ZMIZ1: variants seen among roughly 807,000 people sequenced by gnomAD.
ZMIZ1 encodes zinc finger MIZ-type containing 1.
A neutral mutation model predicts 113.9 loss-of-function variants in ZMIZ1; 17 were observed. The observed-to-expected ratio is 0.15, with a 90% CI of 0.10 to 0.22. The LOEUF is 0.22. ZMIZ1 is among the 10% of genes least tolerant of loss of function. The probability of loss-of-function intolerance (pLI) is 1.00; values close to 1 mark genes in which losing one functional copy is unlikely to be tolerated. For missense variants in ZMIZ1, 1,059 were observed against 1,477.8 expected, an observed-to-expected ratio of 0.72 and a Z score of 4.65; for synonymous variants, 607 against 603.1, an observed-to-expected ratio of 1.01 and a Z score of -0.09.
At chr10:79,074,100 G>A (rs1842390685) in intron 1 of ZMIZ1, among the ~76,000 whole-genome samples, 1 of 152,314 alleles carries the variant, frequency 6.6e-6, no homozygotes, top group Middle Eastern at 3.4e-3. Flanking sequence ...TTCCATCTTT[G>A]TTTATCCCCA....
intron 4 of ZMIZ1, among the ~76,000 whole-genome samples, chr10:79,177,965 C>G (rs1266806553): frequency 1.3e-5 from 2 of 152,192 alleles, no homozygotes; most frequent in African/African-American, 4.8e-5. Flanking sequence ...GCTTCAGAGT[C>G]ATTCAGTGCT....
intron 7 of ZMIZ1, among the ~76,000 whole-genome samples, chr10:79,252,404 C>T (rs1045385718): frequency 6.6e-6 from 1 of 152,132 alleles, no homozygotes; most frequent in Non-Finnish European, 1.5e-5. Flanking sequence ...GTGTGGCTTT[C>T]CTGGTCATCC....
rs952662266 is a variant in ZMIZ1 at position 79,314,345 on chromosome 10, G to A, written c.*1596G>A. The A allele has an allele frequency of 6.2e-5, 27 of 434,782 alleles. No individual in the cohort carries two copies. The highest frequency in any genetic ancestry group is 2.4e-4 in the Admixed American group (10 of 41,596). The allele number at this position is 434,782 out of a possible 1,614,324, so 26.9% of individuals were successfully genotyped here. On this transcript the variant is annotated 3_prime_UTR_variant, in exon 25 of 25. Coordinates refer to ENST00000334512, the MANE Select transcript of ZMIZ1 (RefSeq NM_020338.4). ...GCCTGGGGCCCTTTCCTGCTCTCCC[G>A]TCCGCTGTGGGTGGTCCCCAGCTCT...
intron 8 of ZMIZ1, among the ~76,000 whole-genome samples, chr10:79,282,044 G>A (rs1214635623): frequency 5.3e-5 from 8 of 152,174 alleles, no homozygotes; most frequent in South Asian, 2.1e-4. Flanking sequence ...CTGAGGACAC[G>A]TTGTGGTTAG....
At chr10:79,075,935 T>A (rs1287555572) in intron 1 of ZMIZ1, among the ~76,000 whole-genome samples, 1 of 152,214 alleles carries the variant, frequency 6.6e-6, no homozygotes, top group Non-Finnish European at 1.5e-5. Context: ...CCGCAGGGGA[T>A]GACTGGCAGG....
In ZMIZ1 at chr10:79,181,759, C is replaced by G. The variant is rs769484726; in HGVS notation, c.-50+19626C>G. On this transcript the variant is annotated intron_variant, in intron 4 of 24. Transcript: ENST00000334512. ...AGCCCATCCCTCCCTGCTCTTCTCT[C>G]TCATCCTTCCTCTACCCACAACCCA... Among the ~76,000 whole-genome samples the G allele has an allele frequency of 4.6e-5, 7 of 152,320 alleles. No individual in the cohort carries two copies. The East Asian group carries it at 1.2e-3, about 25-fold the overall frequency.
At chr10:79,224,719 T>C (rs1416090941) in intron 7 of ZMIZ1, among the ~76,000 whole-genome samples, 1 of 152,026 alleles carries the variant, frequency 6.6e-6, no homozygotes, top group African/African-American at 2.4e-5. Flanking sequence ...ACGAGGTCTG[T>C]AGTAGGGGAA....
intron 24 of ZMIZ1, among the ~76,000 whole-genome samples, chr10:79,311,754 A>G (rs1589624995): frequency 1.3e-5 from 2 of 152,110 alleles, no homozygotes; most frequent in African/African-American, 4.8e-5. Flanking sequence ...CAGAGGTGCC[A>G]GGGCTCCTAC....
rs753299567 is a variant in ZMIZ1, at chr10:79,208,294, T to C, written c.61-42T>C. ...CCCCCACACGCTGCCTGTGCTACCCTCACTCTTGGAGCCTCAGCCGCCTCC... is the reference window on the plus strand; with the variant it reads ...CCCCCACACGCTGCCTGTGCTACCCCCACTCTTGGAGCCTCAGCCGCCTCC... On this transcript the variant is annotated intron_variant, in intron 5 of 24. Transcript: ENST00000334512. 9 of 1,581,672 alleles carry C rather than the reference T, an allele frequency of 5.7e-6. No homozygotes were observed. The Admixed American group carries it at 1.5e-4, about 26-fold the overall frequency.
chr10:79,114,652 C>T (rs1843940333), intron 1 of ZMIZ1, among the ~76,000 whole-genome samples: 3 of 152,112 alleles, frequency 2.0e-5, no homozygotes, highest in Admixed American at 2.0e-4. Flanking sequence ...AGCTGAACAG[C>T]TGTCAGCACC....
At chr10:79,256,345 G>A (rs1589501810) in intron 7 of ZMIZ1, among the ~76,000 whole-genome samples, 1 of 151,936 alleles carries the variant, frequency 6.6e-6, no homozygotes, top group Non-Finnish European at 1.5e-5. Context: ...TCCTGGCCTG[G>A]CACCCACCCC....
chr10:79,108,872 C>T (rs74141763), intron 1 of ZMIZ1, among the ~76,000 whole-genome samples: 1,663 of 152,116 alleles, frequency 0.011, 34 homozygotes, highest in African/African-American at 0.039. Flanking sequence ...GCTCCTGGGG[C>T]TGACCACCAC....
intron 4 of ZMIZ1, among the ~76,000 whole-genome samples, chr10:79,178,919 T>G (rs774599351): frequency 6.6e-6 from 1 of 152,170 alleles, no homozygotes; most frequent in Admixed American, 6.5e-5. Flanking sequence ...CAGGGCCGCA[T>G]GAAGCCCTGC....
At chr10:79,139,648 TCACA>T (rs1204278100) in intron 2 of ZMIZ1, 30 bp from the exon 3 acceptor site, 3 of 398,398 alleles carry the variant, frequency 7.5e-6, no homozygotes, top group African/African-American at 6.2e-5. Context: ...CGGCCTGCTC[TCACA>T]CACGTCTCAT....
At chr10:79,175,867 T>G (rs574128127) in intron 4 of ZMIZ1, among the ~76,000 whole-genome samples, 1 of 152,092 alleles carries the variant, frequency 6.6e-6, no homozygotes, top group East Asian at 1.9e-4. Flanking sequence ...GGAGCCGGTG[T>G]GAGCCTGGCC....
At chr10:79,173,817 G>A (rs750894969) in intron 4 of ZMIZ1, among the ~76,000 whole-genome samples, 25 of 152,172 alleles carry the variant, frequency 1.6e-4, no homozygotes, top group Non-Finnish European at 3.1e-4. Flanking sequence ...TAATATGCTC[G>A]TGATCACACA....
rs141042561 is a variant in ZMIZ1, at chr10:79,142,693, C to A, written c.-131+2916C>A. 5.8e-3 allele frequency among the ~76,000 whole-genome samples: 884 copies of A among 152,352 alleles called. 7 individuals are homozygous for A. Among genetic ancestry groups the A allele is most frequent in the Non-Finnish European group, 8.7e-3 (592 of 68,022 alleles). On this transcript the variant is annotated intron_variant, in intron 3 of 24. Transcript: ENST00000334512. ...GGCTGTGGGCAAGCGCATGCCTGGG[C>A]CCTCCCCGTCACCCTGGCCGGCACT...
intron 18 of ZMIZ1, among the ~76,000 whole-genome samples, chr10:79,303,110 T>G (rs1280008460): frequency 6.6e-6 from 1 of 151,690 alleles, no homozygotes; most frequent in Non-Finnish European, 1.5e-5. Context: ...TCCGCCCACC[T>G]CGGCCTCCCA....
Position 79,074,221 on chromosome 10 carries a change from A to T in ZMIZ1, c.-337+4951A>T, listed in dbSNP as rs59698027. The stretch of plus-strand genomic sequence containing the variant: ...GGTGGCAAAGTTAGGACTGAACCTC[A>T]GGCCTTACCGATACCAACCCCTGCG... On this transcript the variant is annotated intron_variant, in intron 1 of 24. Coordinates refer to ENST00000334512, the MANE Select transcript of ZMIZ1 (RefSeq NM_020338.4). Among the ~76,000 whole-genome samples the T allele has an allele frequency of 7.1e-3, 1,084 of 152,356 alleles. 13 individuals carry two copies. Among genetic ancestry groups the T allele is most frequent in the African/African-American group, 0.024 (990 of 41,582 alleles).
Sources: allele counts gnomAD v4.1 joint callset (sites outside exome capture counted in the v4.1 genomes callset), GRCh38; gene constraint gnomAD v4.1.1; transcripts MANE v1.5; gene names NCBI Gene and HGNC (gene_info 2026-07-23, HGNC 2026-07-21).